ACTR3B: variants seen among roughly 807,000 people sequenced by gnomAD.
ACTR3B encodes the protein actin related protein 3B, also known as actin-related protein 3B.
Under a neutral mutation model 59.0 loss-of-function variants are expected in ACTR3B, and 8 were observed. That is an observed-to-expected ratio of 0.14 (90% CI 0.08 to 0.24). The LOEUF (loss-of-function observed/expected upper bound fraction) is 0.24, where lower values mean the gene tolerates loss of function less well. ACTR3B is among the 10% of genes least tolerant of loss of function. The probability of loss-of-function intolerance (pLI) is 1.00; values close to 1 mark genes in which losing one functional copy is unlikely to be tolerated. For synonymous variants in ACTR3B, 148 were observed against 197.9 expected, an observed-to-expected ratio of 0.75 and a Z score of 2.12; for missense variants, 245 against 552.3, an observed-to-expected ratio of 0.44 and a Z score of 5.58.
intron 1 of ACTR3B, among the ~76,000 whole-genome samples, chr7:152,768,892 C>T (rs1234591035): frequency 2.0e-5 from 3 of 149,832 alleles, no homozygotes; most frequent in East Asian, 4.0e-4. Flanking sequence ...CTCCTTCTGT[C>T]GTACAGGCTG....
intron 2 of ACTR3B, among the ~76,000 whole-genome samples, chr7:152,795,039 T>C (rs1199530402): frequency 2.7e-5 from 4 of 150,712 alleles, no homozygotes; most frequent in Non-Finnish European, 5.9e-5. Flanking sequence ...TCACTCTCTT[T>C]TTTTTTTTTT....
At chr7:152,792,005 C>T (rs1463591019) in intron 2 of ACTR3B, among the ~76,000 whole-genome samples, 8 of 152,244 alleles carry the variant, frequency 5.3e-5, no homozygotes, top group African/African-American at 1.9e-4. Context: ...AATTCTCCTG[C>T]CTCAGCCTCC....
intron 1 of ACTR3B, among the ~76,000 whole-genome samples, chr7:152,764,653 A>G (rs1388998392): frequency 6.6e-6 from 1 of 152,068 alleles, no homozygotes; most frequent in Non-Finnish European, 1.5e-5. Flanking sequence ...CAAAAAAAAA[A>G]AAAAAGAAAA....
intron 4 of ACTR3B, among the ~76,000 whole-genome samples, chr7:152,806,066 A>C (rs1025785210): frequency 5.3e-5 from 8 of 152,194 alleles, no homozygotes; most frequent in Non-Finnish European, 8.8e-5. Flanking sequence ...TCTATATTTA[A>C]AACCAGATTA....
At chr7:152,806,984 G>A (rs1386638590) in intron 4 of ACTR3B, among the ~76,000 whole-genome samples, 1 of 152,210 alleles carries the variant, frequency 6.6e-6, no homozygotes, top group African/African-American at 2.4e-5. Context: ...CCTATGTGGA[G>A]AGTGTCACCC....
intron 2 of ACTR3B, among the ~76,000 whole-genome samples, chr7:152,791,863 A>G (rs1216078815): frequency 2.0e-5 from 3 of 152,160 alleles, no homozygotes; most frequent in Non-Finnish European, 4.4e-5. Context: ...TACACTAAAT[A>G]CTACTCAGCA....
At chr7:152,800,161 T>C (rs2098230437) in intron 2 of ACTR3B, among the ~76,000 whole-genome samples, 1 of 152,266 alleles carries the variant, frequency 6.6e-6, no homozygotes, top group Non-Finnish European at 1.5e-5. Context: ...TTCTGTATTG[T>C]ACAGAATTTT....
intron 2 of ACTR3B, among the ~76,000 whole-genome samples, chr7:152,784,306 G>A (rs1233468427): frequency 2.6e-5 from 4 of 152,122 alleles, no homozygotes; most frequent in Non-Finnish European, 2.9e-5. Context: ...GGGGAACGTC[G>A]ACAGGGAAAA....
intron 9 of ACTR3B, among the ~76,000 whole-genome samples, chr7:152,847,681 C>T (rs554443126): frequency 1.3e-5 from 2 of 152,260 alleles, no homozygotes; most frequent in East Asian, 1.9e-4. Flanking sequence ...GGACAGAGCC[C>T]GTGCACACAG....
At position 152,854,842 on chromosome 7, in the gene ACTR3B, A is replaced by G. The variant is rs1590497636; in HGVS notation, c.*289A>G. 3.3e-6 allele frequency: 1 copy of G among 307,200 alleles called. No individual in the cohort carries two copies. Among genetic ancestry groups the G allele is most frequent in the East Asian group, 5.8e-5 (1 of 17,194 alleles). 19.0% of individuals were successfully genotyped at this position (307,200 alleles called of 1,614,324 possible). The stretch of plus-strand genomic sequence containing the variant: ...CAAATACAATTCTGAAGGAATCCAA[A>G]TGTGACTTTGAAAATTGTTAGAGAA... On this transcript the variant is annotated 3_prime_UTR_variant, in exon 12 of 12. Transcript: ENST00000256001. This position sits in a 1 kb window ranked among gnomAD's most constrained non-coding sequence, Gnocchi z 4.9.
chr7:152,823,325 T>C lies in ACTR3B; in HGVS notation c.685-17T>C. On this transcript the variant is annotated splice_polypyrimidine_tract_variant and intron_variant, in intron 7 of 11. Coordinates refer to ENST00000256001, the MANE Select transcript of ACTR3B (RefSeq NM_020445.6). Reference sequence around the variant, plus strand: ...GCAGTTGTTAATGCCTGGCAACATCTTTGTGTGTGTATGCAGGAGAAATAC... The same window carrying C: ...GCAGTTGTTAATGCCTGGCAACATCCTTGTGTGTGTATGCAGGAGAAATAC... 1.2e-6 allele frequency: 2 copies of C among 1,611,224 alleles called. No homozygotes were observed. Among genetic ancestry groups the C allele is most frequent in the Non-Finnish European group, 1.7e-6 (2 of 1,178,430 alleles).
chr7:152,791,337 A>C (rs536665767), intron 2 of ACTR3B, among the ~76,000 whole-genome samples: 1 of 152,130 alleles, frequency 6.6e-6, no homozygotes, highest in East Asian at 1.9e-4. Context: ...TAATCTTTTT[A>C]GTTTTGATTC....
At chr7:152,796,439 T>C (rs2098216815) in intron 2 of ACTR3B, among the ~76,000 whole-genome samples, 1 of 145,804 alleles carries the variant, frequency 6.9e-6, no homozygotes, top group Admixed American at 7.3e-5. Flanking sequence ...TAATATTGTT[T>C]ATTGAGTACT....
At chr7:152,786,731 G>A (rs1402649643) in intron 2 of ACTR3B, among the ~76,000 whole-genome samples, 1 of 151,680 alleles carries the variant, frequency 6.6e-6, no homozygotes, top group East Asian at 1.9e-4. Flanking sequence ...TCTTTCCTCT[G>A]GTGGATATTT....
chr7:152,760,275 G>T (rs1453819745), intron 1 of ACTR3B, among the ~76,000 whole-genome samples: 3 of 150,738 alleles, frequency 2.0e-5, no homozygotes, highest in Non-Finnish European at 4.4e-5. Flanking sequence ...GAGGGACACC[G>T]GGAGCGCGGG....
chr7:152,795,928 C>G (rs1404400696), intron 2 of ACTR3B, among the ~76,000 whole-genome samples: 1 of 151,796 alleles, frequency 6.6e-6, no homozygotes, highest in African/African-American at 2.4e-5. Flanking sequence ...ACTGCAACCT[C>G]TGCCTCCCAA....
At chr7:152,805,887 G>A (rs2098250757) in intron 4 of ACTR3B, among the ~76,000 whole-genome samples, 1 of 152,176 alleles carries the variant, frequency 6.6e-6, no homozygotes, top group African/African-American at 2.4e-5. Context: ...CATGGAGGTG[G>A]AGTAATATTA....
chr7:152,836,578 C>A (rs1251823263), intron 9 of ACTR3B, among the ~76,000 whole-genome samples: 14 of 151,224 alleles, frequency 9.3e-5, no homozygotes, highest in Admixed American at 6.6e-5. Flanking sequence ...CAAAGGGACA[C>A]CCTATTTCAA....
chr7:152,802,187 A>T (rs1035057879), intron 4 of ACTR3B, among the ~76,000 whole-genome samples: 1 of 152,042 alleles, frequency 6.6e-6, no homozygotes, highest in East Asian at 1.9e-4. Flanking sequence ...GGTTAGAGCA[A>T]TAGGAATGGA....
Sources: gnomAD v4.1 joint callset for allele counts (sites outside exome capture counted in the v4.1 genomes callset) on GRCh38, gnomAD v4.1.1 for gene constraint, Gnocchi (gnomAD v3.1) non-coding constraint, MANE v1.5 for transcripts, NCBI Gene and HGNC (gene_info 2026-07-23, HGNC 2026-07-21) for gene names.